GSG1L: variants seen among roughly 807,000 people sequenced by gnomAD.
The protein encoded by GSG1L is GSG1 like.
Under a neutral mutation model 42.1 loss-of-function variants are expected in GSG1L, and 24 were observed. That is an observed-to-expected ratio of 0.57 (90% confidence interval 0.41 to 0.80). The LOEUF is 0.80. GSG1L is among the 30% of genes least tolerant of loss of function. The pLI, the probability that GSG1L is intolerant of heterozygous loss-of-function variation, is 0.00. For synonymous variants in GSG1L, 215 were observed against 203.5 expected, an observed-to-expected ratio of 1.06 and a Z score of -0.48; for missense variants, 445 against 472.2, an observed-to-expected ratio of 0.94 and a Z score of 0.53.
rs143173723 is a variant in GSG1L at position 27,797,638 on chromosome 16, C to T, written c.899-6171G>A. Among the ~76,000 whole-genome samples, 791 of 151,238 alleles carry T rather than the reference C, an allele frequency of 5.2e-3. 11 individuals are homozygous for T. The highest frequency in any genetic ancestry group is 0.017 in the African/African-American group (718 of 41,216). ...GAGATCGAGACCATCCTGGCTAACA[C>T]GCTGAAACCCCATCTCTCCTAAAAA... On this transcript the variant is annotated intron_variant, in intron 6 of 6. Coordinates refer to ENST00000447459, the MANE Select transcript of GSG1L (RefSeq NM_001109763.2).
chr16:27,799,947 G>C (rs1328795674), intron 6 of GSG1L, among the ~76,000 whole-genome samples: 4 of 152,176 alleles, frequency 2.6e-5, no homozygotes, highest in Non-Finnish European at 4.4e-5. Flanking sequence ...TAGATCAGCA[G>C]CATCAGCATC....
At chr16:27,859,874 G>C (rs1010212337) in intron 3 of GSG1L, among the ~76,000 whole-genome samples, 1 of 151,590 alleles carries the variant, frequency 6.6e-6, no homozygotes, top group African/African-American at 2.4e-5. Context: ...CAGAAACAGG[G>C]TCTCGCTCTG....
At position 27,788,566 on chromosome 16, in the gene GSG1L, T is replaced by C. The variant is rs1362275955; in HGVS notation, c.*2804A>G. 6.6e-6 allele frequency: 1 copy of C among 152,252 alleles called. No individual in the cohort carries two copies. Among genetic ancestry groups the C allele is most frequent in the Non-Finnish European group, 1.5e-5 (1 of 68,060 alleles). The allele number at this position is 152,252 out of a possible 1,614,324, so 9.4% of individuals were successfully genotyped here. On this transcript the variant is annotated 3_prime_UTR_variant, in exon 7 of 7. Transcript: ENST00000447459. ...CTCCACACCTGCCATTGGGACTATT[T>C]TAAAGTCCTCTAATGTACTTTCTTT...
In GSG1L at chr16:27,946,671, A is replaced by G. The variant is rs139957829; in HGVS notation, c.397+16485T>C. Reference sequence around the variant, plus strand: ...AGAAAGAAAGAAAAGAAAGAAAGAAAGAAAGAAAGAAAGAAAGAAAGAATT... The same window carrying G: ...AGAAAGAAAGAAAAGAAAGAAAGAAGGAAAGAAAGAAAGAAAGAAAGAATT... On this transcript the variant is annotated intron_variant, in intron 2 of 6. Coordinates refer to ENST00000447459, the MANE Select transcript of GSG1L (RefSeq NM_001109763.2). Among the ~76,000 whole-genome samples, 30 of 144,692 alleles carry G rather than the reference A, an allele frequency of 2.1e-4. 2 individuals carry two copies. The highest frequency in any genetic ancestry group is 7.7e-4 in the African/African-American group (29 of 37,598). 94.9% of individuals were successfully genotyped at this position (144,692 alleles called of 152,430 possible).
At chr16:27,938,715 G>A (rs2084749722) in intron 2 of GSG1L, among the ~76,000 whole-genome samples, 1 of 152,228 alleles carries the variant, frequency 6.6e-6, no homozygotes, top group African/African-American at 2.4e-5. Context: ...GAGTAAGAAG[G>A]TGAGGATGGA....
rs2086259690 is a variant in GSG1L, at chr16:28,054,615, T to C, written c.349+8461A>G. On this transcript the variant is annotated intron_variant, in intron 1 of 6. Coordinates refer to ENST00000447459, the MANE Select transcript of GSG1L (RefSeq NM_001109763.2). ...CTGCACTCCAGCCTCGGCAACACAT[T>C]GAGACTCCATCTCAAAAAATAATAA... Among the ~76,000 whole-genome samples the C allele has an allele frequency of 2.6e-5, 4 of 152,050 alleles. No homozygotes were observed. In the South Asian group the frequency reaches 8.3e-4, roughly 32 times the overall value.
At chr16:27,869,716 T>C (rs2083784336) in intron 3 of GSG1L, among the ~76,000 whole-genome samples, 1 of 131,650 alleles carries the variant, frequency 7.6e-6, no homozygotes, top group African/African-American at 3.0e-5. Context: ...TCTCTCTCCT[T>C]CTCTCTCTGT....
chr16:27,984,810 T>C (rs2085362851), intron 1 of GSG1L, among the ~76,000 whole-genome samples: 1 of 152,152 alleles, frequency 6.6e-6, no homozygotes, highest in Admixed American at 6.6e-5. Flanking sequence ...CAGGCTTGAG[T>C]GCAGTGGCAC....
intron 1 of GSG1L, among the ~76,000 whole-genome samples, chr16:28,030,422 C>T (rs1406316291): frequency 1.3e-5 from 2 of 152,026 alleles, no homozygotes; most frequent in African/African-American, 4.8e-5. Context: ...ATGAAGAGGA[C>T]TGCCAGAGAG....
intron 2 of GSG1L, among the ~76,000 whole-genome samples, chr16:27,960,031 G>A (rs2085051256): frequency 6.6e-6 from 1 of 151,778 alleles, no homozygotes; most frequent in Admixed American, 6.6e-5. Flanking sequence ...GAGAGGGTAG[G>A]TGAGCAGGGG....
intron 1 of GSG1L, among the ~76,000 whole-genome samples, chr16:28,023,001 A>AAT (rs1179399655): frequency 6.6e-6 from 1 of 151,822 alleles, no homozygotes; most frequent in Non-Finnish European, 1.5e-5. Context: ...TTTGTTTTTT[A>AAT]ATATATATAG....
At chr16:27,922,627 C>T (rs150808778) in intron 2 of GSG1L, among the ~76,000 whole-genome samples, 1 of 152,114 alleles carries the variant, frequency 6.6e-6, no homozygotes, top group Non-Finnish European at 1.5e-5. Context: ...TCAGCACTGC[C>T]CTTTGGACAG....
intron 1 of GSG1L, among the ~76,000 whole-genome samples, chr16:28,052,398 G>A (rs1304572712): frequency 1.3e-5 from 2 of 152,042 alleles, no homozygotes; most frequent in African/African-American, 4.8e-5. Context: ...CAAAGTGCTT[G>A]GATTACAGAT....
intron 2 of GSG1L, among the ~76,000 whole-genome samples, chr16:27,887,754 T>C (rs2084046414): frequency 6.6e-6 from 1 of 152,194 alleles, no homozygotes. Flanking sequence ...GCTTTTAGAG[T>C]TTCAGAGAAC....
chr16:27,893,541 G>A (rs2084154756), intron 2 of GSG1L, among the ~76,000 whole-genome samples: 1 of 152,128 alleles, frequency 6.6e-6, no homozygotes, highest in Non-Finnish European at 1.5e-5. Flanking sequence ...ACTATTTCTT[G>A]CTAATAAGTG....
At chr16:27,824,191 T>C (rs564865413) in intron 5 of GSG1L, among the ~76,000 whole-genome samples, 46 of 152,302 alleles carry the variant, frequency 3.0e-4, no homozygotes, top group African/African-American at 9.6e-4. Flanking sequence ...TGGCGCGGCA[T>C]GTCACATGGG....
chr16:27,869,110 C>T (rs1323121405), intron 3 of GSG1L, among the ~76,000 whole-genome samples: 1 of 151,940 alleles, frequency 6.6e-6, no homozygotes, highest in Non-Finnish European at 1.5e-5. Flanking sequence ...CCTCCCAGAG[C>T]TGGGGGTCTC....
intron 2 of GSG1L, among the ~76,000 whole-genome samples, chr16:27,922,613 G>A (rs2141064421): frequency 6.6e-6 from 1 of 152,220 alleles, no homozygotes; most frequent in East Asian, 1.9e-4. Flanking sequence ...CATGACCCAA[G>A]CTTTCAGCAC....
chr16:28,054,920 C>T lies in GSG1L; in HGVS notation c.349+8156G>A, dbSNP rs145269989. ...CAAAAATGGACCACTAGGCACTCCA[C>T]GAGCCACCCCCTCCTGCAGTGAGAA... On this transcript the variant is annotated intron_variant, in intron 1 of 6. Coordinates refer to ENST00000447459, the MANE Select transcript of GSG1L (RefSeq NM_001109763.2). Among the ~76,000 whole-genome samples, 139 of 152,256 alleles carry T rather than the reference C, an allele frequency of 9.1e-4. 1 individual carries two copies. The highest frequency in any genetic ancestry group is 3.3e-3 in the African/African-American group (136 of 41,550).
Sources: allele counts gnomAD v4.1 joint callset (sites outside exome capture counted in the v4.1 genomes callset), GRCh38; gene constraint gnomAD v4.1.1; transcripts MANE v1.5; gene names NCBI Gene and HGNC (gene_info 2026-07-23, HGNC 2026-07-21).